ZFAND3: variants seen among roughly 807,000 people sequenced by gnomAD.
ZFAND3 encodes zinc finger AN1-type containing 3.
A neutral mutation model predicts 29.6 loss-of-function variants in ZFAND3; 10 were observed. The observed-to-expected ratio is 0.34, with a 90% CI of 0.21 to 0.57. The LOEUF (loss-of-function observed/expected upper bound fraction) is 0.57. Among genes scored for constraint, ZFAND3 ranks in the 20% least tolerant of loss-of-function variants. The probability of loss-of-function intolerance (pLI) is 0.86; values close to 1 mark genes in which losing one functional copy is unlikely to be tolerated. For missense variants in ZFAND3, 230 were observed against 304.5 expected (o/e 0.76, Z 1.82); for synonymous variants, 128 against 112.6 (o/e 1.14, Z -0.87).
chr6:37,869,162 TTATTTATTTATTTTTTGAGATGGAGTC>T (rs995399679), intron 1 of ZFAND3, among the ~76,000 whole-genome samples: 2 of 152,162 alleles, frequency 1.3e-5, no homozygotes, highest in African/African-American at 2.4e-5. Context: ...GATTTTGTCT[TTATTTATTTATTTTTTGAGATGGAGTC>T]TCGCTCTATC....
chr6:38,139,464 A>C (rs77458836), intron 5 of ZFAND3, among the ~76,000 whole-genome samples: 3 of 152,164 alleles, frequency 2.0e-5, no homozygotes, highest in Admixed American at 6.5e-5. Flanking sequence ...AAAGCATCCA[A>C]CTGGGCCCTA....
At chr6:37,966,466 A>G (rs1462892551) in intron 2 of ZFAND3, among the ~76,000 whole-genome samples, 1 of 152,162 alleles carries the variant, frequency 6.6e-6, no homozygotes, top group Non-Finnish European at 1.5e-5. Flanking sequence ...TGAGCAGACA[A>G]CGCTTAGAGA....
chr6:37,966,649 T>C (rs1479873093), intron 2 of ZFAND3, among the ~76,000 whole-genome samples: 1 of 152,134 alleles, frequency 6.6e-6, no homozygotes, highest in East Asian at 1.9e-4. Flanking sequence ...TGAGAAGAAG[T>C]TGCCAGCTTG....
intron 1 of ZFAND3, among the ~76,000 whole-genome samples, chr6:37,914,311 G>A (rs561050691): frequency 5.9e-5 from 9 of 152,150 alleles, no homozygotes; most frequent in South Asian, 2.1e-4. Context: ...CTGTTGTTTC[G>A]TCCCTGGAGC....
chr6:37,931,556 C>CA lies in ZFAND3; in HGVS notation c.112+1567dup, dbSNP rs536739759. The stretch of plus-strand genomic sequence containing the variant: ...AGACTCCGTCTCAAAAAAAAAAAAA[C>CA]AAAAAAAAAACCAACCAAACAAAAA... On this transcript the variant is annotated intron_variant, in intron 2 of 5. Coordinates refer to ENST00000287218, the MANE Select transcript of ZFAND3 (RefSeq NM_021943.3). Among the ~76,000 whole-genome samples, 706 of 136,232 alleles carry CA rather than the reference C, an allele frequency of 5.2e-3. 4 individuals carry two copies. Among genetic ancestry groups the CA allele is most frequent in the Middle Eastern group, 0.015 (4 of 264 alleles). 89.4% of individuals were successfully genotyped at this position (136,232 alleles called of 152,430 possible).
At chr6:38,111,289 T>C (rs1765310948) in intron 4 of ZFAND3, among the ~76,000 whole-genome samples, 1 of 152,214 alleles carries the variant, frequency 6.6e-6, no homozygotes, top group South Asian at 2.1e-4. Flanking sequence ...TGAAAATATT[T>C]GGGAAAAAAT....
At chr6:37,955,149 T>TTGTGTGTGTGTGTGTG (rs3047089) in intron 2 of ZFAND3, among the ~76,000 whole-genome samples, 16 of 148,948 alleles carry the variant, frequency 1.1e-4, no homozygotes, top group Non-Finnish European at 2.2e-4. Flanking sequence ...CAACCAATTT[T>TTGTGTGTGTGTGTGTG]TGTGTGTGTG....
intron 1 of ZFAND3, among the ~76,000 whole-genome samples, chr6:37,820,452 C>T (rs939078955): frequency 3.9e-5 from 6 of 152,218 alleles, no homozygotes; most frequent in African/African-American, 1.2e-4. Flanking sequence ...TTCTTCACCT[C>T]CCCTCCTCCC....
chr6:38,000,238 A>T (rs1034312821), intron 2 of ZFAND3, among the ~76,000 whole-genome samples: 2 of 152,194 alleles, frequency 1.3e-5, no homozygotes, highest in Non-Finnish European at 2.9e-5. Flanking sequence ...TGCGAGACCC[A>T]TAGCACCTTC....
intron 5 of ZFAND3, among the ~76,000 whole-genome samples, chr6:38,148,774 C>A (rs1270433090): frequency 1.3e-5 from 2 of 152,210 alleles, no homozygotes; most frequent in Non-Finnish European, 2.9e-5. Flanking sequence ...CAACCCCCTT[C>A]TGACACCAAA....
intron 2 of ZFAND3, among the ~76,000 whole-genome samples, chr6:37,957,324 C>A (rs1372061282): frequency 6.8e-6 from 1 of 146,378 alleles, no homozygotes; most frequent in Non-Finnish European, 1.5e-5. Context: ...TTTTTTTTTT[C>A]ATTGAATTCC....
intron 5 of ZFAND3, among the ~76,000 whole-genome samples, chr6:38,140,673 T>TA (rs1765931513): frequency 6.6e-6 from 1 of 152,168 alleles, no homozygotes; most frequent in East Asian, 1.9e-4. Flanking sequence ...GGTGTTTTTT[T>TA]ATACCCAAAT....
chr6:37,982,520 A>G (rs1439070929), intron 2 of ZFAND3, among the ~76,000 whole-genome samples: 1 of 152,152 alleles, frequency 6.6e-6, no homozygotes, highest in Non-Finnish European at 1.5e-5. Flanking sequence ...AGAGGAACTG[A>G]AAAAACTCCT....
At chr6:37,950,533 G>A (rs542418656) in intron 2 of ZFAND3, among the ~76,000 whole-genome samples, 11 of 151,880 alleles carry the variant, frequency 7.2e-5, no homozygotes, top group Non-Finnish European at 1.3e-4. Flanking sequence ...GCCTGCCACC[G>A]TGCCTGGCTA....
chr6:37,833,163 C>T (rs988729863), intron 1 of ZFAND3: 1 of 152,198 alleles, frequency 6.6e-6, no homozygotes, highest in African/African-American at 2.4e-5. Context: ...ACCTCAGCCT[C>T]CCAAGTAGCT....
chr6:37,851,193 T>C (rs536161907), intron 1 of ZFAND3, among the ~76,000 whole-genome samples: 108 of 151,006 alleles, frequency 7.2e-4, no homozygotes, highest in African/African-American at 2.5e-3. Flanking sequence ...CACCTTGTTG[T>C]CCAGGCTGGT....
At chr6:37,892,008 C>T (rs574846964) in intron 1 of ZFAND3, among the ~76,000 whole-genome samples, 2 of 152,258 alleles carry the variant, frequency 1.3e-5, no homozygotes, top group Non-Finnish European at 2.9e-5. Flanking sequence ...AGATTACAGG[C>T]GTGAGCCATA....
At chr6:38,089,410 GA>G (rs1334166172) in intron 4 of ZFAND3, among the ~76,000 whole-genome samples, 2 of 151,980 alleles carry the variant, frequency 1.3e-5, no homozygotes, top group African/African-American at 4.8e-5. Context: ...TGACAGGCAT[GA>G]GCCACCACAC....
At chr6:38,147,745 T>C (rs1766139844) in intron 5 of ZFAND3, among the ~76,000 whole-genome samples, 1 of 152,238 alleles carries the variant, frequency 6.6e-6, no homozygotes, top group Non-Finnish European at 1.5e-5. Context: ...TGAGTATTTT[T>C]TATTCACCTA....
Sources: allele counts gnomAD v4.1 joint callset (sites outside exome capture counted in the v4.1 genomes callset), GRCh38; gene constraint gnomAD v4.1.1; transcripts MANE v1.5; gene names NCBI Gene and HGNC (gene_info 2026-07-23, HGNC 2026-07-21).